Variants in PLCE1 observed in about 807,000 individuals in gnomAD.
PLCE1 encodes the protein 1-phosphatidylinositol 4,5-bisphosphate phosphodiesterase epsilon-1.
PLCE1 carries 119 observed loss-of-function variants against 242.8 expected under a neutral mutation model. The observed-to-expected ratio is 0.49, with a 90% confidence interval of 0.42 to 0.57. PLCE1 has a LOEUF of 0.57. Ranked by LOEUF, PLCE1 falls within the 20% of genes least tolerant of loss-of-function variation. PLCE1 has a pLI of 0.00. For synonymous variants in PLCE1, 945 were observed against 1,017.4 expected, an observed-to-expected ratio of 0.93 and a Z score of 1.35; for missense variants, 2,441 against 2,788.8, an observed-to-expected ratio of 0.88 and a Z score of 2.81.
chr10:94,294,762 G>C (rs757449981), intron 23 of PLCE1, among the ~76,000 whole-genome samples: 6 of 152,066 alleles, frequency 3.9e-5, no homozygotes, highest in Non-Finnish European at 7.4e-5. Context: ...TGATTCATCA[G>C]GGGGGTGGTT....
intron 3 of PLCE1, among the ~76,000 whole-genome samples, chr10:94,159,899 G>C (rs955293774): frequency 6.6e-6 from 1 of 152,238 alleles, no homozygotes; most frequent in Admixed American, 6.5e-5. Context: ...ATAGTTTGCT[G>C]AGAATGATGG....
In PLCE1 at chr10:94,027,232, A is replaced by G. The variant is rs190715297; in HGVS notation, c.-364-3451A>G. ...ACCCCATCAGCACTGTCTGCTTTAG[A>G]TGTTCTTCCTCTGTGTTAATGCAGA... On this transcript the variant is annotated intron_variant, in intron 1 of 32. Transcript: ENST00000371380. Among the ~76,000 whole-genome samples the G allele has an allele frequency of 3.3e-4, 51 of 152,288 alleles. 1 individual carries two copies. Among genetic ancestry groups the G allele is most frequent in the Admixed American group, 2.9e-3 (45 of 15,292 alleles).
chr10:94,219,542 G>C (rs565003363), intron 4 of PLCE1, among the ~76,000 whole-genome samples: 6 of 152,224 alleles, frequency 3.9e-5, no homozygotes, highest in African/African-American at 1.4e-4. Flanking sequence ...CTCAAGAAGG[G>C]CTTTAGTTGG....
intron 4 of PLCE1, among the ~76,000 whole-genome samples, chr10:94,184,539 A>G (rs1043225051): frequency 1.3e-5 from 2 of 152,186 alleles, no homozygotes; most frequent in Non-Finnish European, 2.9e-5. Context: ...TATGTTGGCC[A>G]GGCTGGTTTT....
intron 1 of PLCE1, among the ~76,000 whole-genome samples, chr10:94,024,117 C>T (rs1398962157): frequency 6.6e-6 from 1 of 152,132 alleles, no homozygotes; most frequent in Non-Finnish European, 1.5e-5. Context: ...TCCATGTGCA[C>T]CGTGTGCACG....
In PLCE1 at chr10:94,262,691, G is replaced by A; in HGVS notation, c.4012G>A (p.Gly1338Arg). 6.2e-7 allele frequency: 1 copy of A among 1,613,980 alleles called. No individual in the cohort carries two copies. The highest frequency in any genetic ancestry group is 8.5e-7 in the Non-Finnish European group (1 of 1,179,896). Residue 1338 changes from glycine (G) to arginine (R), a missense_variant, in exon 14 of 33, where the codon GGA becomes AGA. Coordinates refer to ENST00000371380, the MANE Select transcript of PLCE1 (RefSeq NM_016341.4). ...CAACGATTTCCTCGTGAATTGCCAA[G>A]GAGAACACTGCACTTATGATGAAAT... ...QLNDFLVNCQ[G>R]EHCTYDEILS...
At chr10:94,229,894 C>G (rs539407301) in intron 5 of PLCE1, among the ~76,000 whole-genome samples, 1 of 152,136 alleles carries the variant, frequency 6.6e-6, no homozygotes, top group Non-Finnish European at 1.5e-5. Context: ...TATAATAGGT[C>G]TTTTGTTGAC....
chr10:94,255,914 A>ACACACACACACTCT (rs1284531207), intron 11 of PLCE1, among the ~76,000 whole-genome samples: 2 of 67,326 alleles, frequency 3.0e-5, no homozygotes, highest in East Asian at 6.6e-4. Flanking sequence ...ACACACACAC[A>ACACACACACACTCT]CTCTCTCTCT....
chr10:94,137,961 T>G, intron 3 of PLCE1: 1 of 395,282 alleles, frequency 2.5e-6, no homozygotes. Context: ...ATTAAATCCT[T>G]GCACTCCATT....
At chr10:94,055,973 G>A (rs1221462202) in intron 2 of PLCE1, among the ~76,000 whole-genome samples, 1 of 152,152 alleles carries the variant, frequency 6.6e-6, no homozygotes, top group Non-Finnish European at 1.5e-5. Context: ...GTGGTCGTAT[G>A]TTAATTTGAA....
chr10:94,033,201 G>A (rs1484426153), intron 2 of PLCE1, among the ~76,000 whole-genome samples: 1 of 151,956 alleles, frequency 6.6e-6, no homozygotes, highest in Non-Finnish European at 1.5e-5. Context: ...CAGTTCCTCT[G>A]AGCTATTGAG....
intron 1 of PLCE1, among the ~76,000 whole-genome samples, chr10:94,019,310 A>G (rs2061333777): frequency 6.6e-6 from 1 of 152,196 alleles, no homozygotes; most frequent in Non-Finnish European, 1.5e-5. Flanking sequence ...AGCAAGTGGG[A>G]TTGAAATGCA....
intron 2 of PLCE1, 80 bp from the exon 3 acceptor site, chr10:94,132,094 A>G: frequency 7.2e-7 from 1 of 1,389,996 alleles, no homozygotes; most frequent in South Asian, 1.2e-5. Flanking sequence ...TTAATAAGTC[A>G]TCTTGGCATT....
In PLCE1 at chr10:94,234,589, A is replaced by T. The variant is rs554312228; in HGVS notation, c.2214+277A>T. 1.4e-4 allele frequency among the ~76,000 whole-genome samples: 21 copies of T among 152,344 alleles called. 1 individual carries two copies. In the South Asian group the frequency reaches 4.3e-3, roughly 32 times the overall value. On this transcript the variant is annotated intron_variant, in intron 6 of 32. Coordinates refer to ENST00000371380, the MANE Select transcript of PLCE1 (RefSeq NM_016341.4). ...GGTGTTGTTTTCTGATGGTTTTTAAAGATTGACAGGTTTTTCTTATTGGGT... is the reference window on the plus strand; with the variant it reads ...GGTGTTGTTTTCTGATGGTTTTTAATGATTGACAGGTTTTTCTTATTGGGT...
chr10:94,123,017 C>T (rs1385481133), intron 2 of PLCE1, among the ~76,000 whole-genome samples: 5 of 152,176 alleles, frequency 3.3e-5, no homozygotes, highest in Non-Finnish European at 5.9e-5. Flanking sequence ...GTGCCCTGTG[C>T]TGGGGACAAA....
chr10:94,090,033 G>A (rs182421163), intron 2 of PLCE1, among the ~76,000 whole-genome samples: 44 of 152,218 alleles, frequency 2.9e-4, no homozygotes, highest in Admixed American at 1.4e-3. Flanking sequence ...GAAAGGTAAT[G>A]CAGTTTATCT....
At position 94,206,513 on chromosome 10, in the gene PLCE1, C is replaced by T. The variant is rs148253606; in HGVS notation, c.1810-20793C>T. Among the ~76,000 whole-genome samples the T allele has an allele frequency of 4.2e-3, 638 of 152,332 alleles. 9 individuals carry two copies. The highest frequency in any genetic ancestry group is 0.015 in the African/African-American group (607 of 41,562). On this transcript the variant is annotated intron_variant, in intron 4 of 32. Transcript: ENST00000371380. ...TCTGTCATTCAGCCCAGTTGATATG[C>T]GTAGCCATGGTTGATTCTTTTCCAT...
At chr10:94,069,748 C>T (rs767504276) in intron 2 of PLCE1, among the ~76,000 whole-genome samples, 3 of 152,202 alleles carry the variant, frequency 2.0e-5, no homozygotes, top group Non-Finnish European at 4.4e-5. Context: ...AGAGGACAGA[C>T]ATTTGAATAG....
At chr10:94,048,007 A>G (rs1333014188) in intron 2 of PLCE1, among the ~76,000 whole-genome samples, 1 of 152,194 alleles carries the variant, frequency 6.6e-6, no homozygotes, top group African/African-American at 2.4e-5. Context: ...AGTTGTTTTG[A>G]AGTTTATATA....
Sources: allele counts gnomAD v4.1 joint callset (sites outside exome capture counted in the v4.1 genomes callset), GRCh38; gene constraint gnomAD v4.1.1; transcripts MANE v1.5; gene names NCBI Gene and HGNC (gene_info 2026-07-23, HGNC 2026-07-21).